The following CLIC4 variants were observed in gnomAD, a reference collection of about 807,000 sequenced individuals.
The protein encoded by CLIC4 is CLIC family member 4.
Under a neutral mutation model 24.6 loss-of-function variants are expected in CLIC4, and 13 were observed. That is an observed-to-expected ratio of 0.53 (90% CI 0.34 to 0.84). The LOEUF (loss-of-function observed/expected upper bound fraction) is 0.84. Ranked by LOEUF, CLIC4 falls within the 40% of genes least tolerant of loss-of-function variation. CLIC4 has a pLI of 0.01. For missense variants in CLIC4, 227 were observed against 301.7 expected (o/e 0.75, Z 1.83); for synonymous variants, 104 against 111.3 (o/e 0.93, Z 0.41).
chr1:24,835,926 T>C (rs1481499943), intron 4 of CLIC4, among the ~76,000 whole-genome samples: 1 of 152,226 alleles, frequency 6.6e-6, no homozygotes, highest in Non-Finnish European at 1.5e-5. Flanking sequence ...AAACAAAGTT[T>C]ACCAACTGGA....
intron 1 of CLIC4, among the ~76,000 whole-genome samples, chr1:24,787,120 C>T (rs1336432381): frequency 6.6e-6 from 1 of 152,162 alleles, no homozygotes; most frequent in Non-Finnish European, 1.5e-5. Flanking sequence ...GATGGGATCT[C>T]ACTATGTGTT....
At chr1:24,802,577 C>T (rs1236624418) in intron 2 of CLIC4, among the ~76,000 whole-genome samples, 1 of 152,086 alleles carries the variant, frequency 6.6e-6, no homozygotes, top group Non-Finnish European at 1.5e-5. Flanking sequence ...CTTAGGGCAA[C>T]TAAAACTAAG....
chr1:24,801,274 G>A (rs919381140), intron 2 of CLIC4, among the ~76,000 whole-genome samples: 2 of 152,192 alleles, frequency 1.3e-5, no homozygotes, highest in Admixed American at 1.3e-4. Context: ...CAGTTCTGCA[G>A]GTTGTACAGG....
chr1:24,835,300 C>T (rs979481497), intron 4 of CLIC4, among the ~76,000 whole-genome samples: 33 of 152,336 alleles, frequency 2.2e-4, no homozygotes, highest in Middle Eastern at 3.4e-3. Flanking sequence ...CGGTGGCTCA[C>T]GCCTGTAATC....
intron 2 of CLIC4, among the ~76,000 whole-genome samples, chr1:24,807,627 G>A (rs1639566040): frequency 6.6e-6 from 1 of 152,124 alleles, no homozygotes; most frequent in Non-Finnish European, 1.5e-5. Flanking sequence ...AATGAGTCAG[G>A]GTGGAGCAGG....
At chr1:24,758,493 T>C (rs1211429540) in intron 1 of CLIC4, among the ~76,000 whole-genome samples, 1 of 151,922 alleles carries the variant, frequency 6.6e-6, no homozygotes, top group African/African-American at 2.4e-5. Context: ...AGTCTCACTC[T>C]GTCACCCAGG....
At chr1:24,807,166 T>C (rs1639559221) in intron 2 of CLIC4, among the ~76,000 whole-genome samples, 1 of 151,864 alleles carries the variant, frequency 6.6e-6, no homozygotes, top group Non-Finnish European at 1.5e-5. Flanking sequence ...ATTTAAAAAA[T>C]TAAGAATCTT....
At chr1:24,825,588 T>A (rs1441013725) in intron 3 of CLIC4, among the ~76,000 whole-genome samples, 1 of 152,232 alleles carries the variant, frequency 6.6e-6, no homozygotes, top group Non-Finnish European at 1.5e-5. Flanking sequence ...GATAAATCTT[T>A]AAGCTTAAAA....
intron 2 of CLIC4, among the ~76,000 whole-genome samples, chr1:24,799,363 G>A (rs183921673): frequency 0.018 from 2,792 of 151,798 alleles, 35 homozygotes; most frequent in Non-Finnish European, 0.027. Flanking sequence ...GGTGAGGAGC[G>A]TCTCTGTCCG....
chr1:24,766,501 TTTTTTTTTTTTTTTTTTTTTG>T (rs2124096140), intron 1 of CLIC4, among the ~76,000 whole-genome samples: 3 of 84,128 alleles, frequency 3.6e-5, no homozygotes, highest in Non-Finnish European at 7.0e-5. Context: ...TTTTTTTTTT[TTTTTTTTTTTTTTTTTTTTTG>T]AGACGGGGTC....
chr1:24,791,273 A>G (rs1471957719), intron 1 of CLIC4, among the ~76,000 whole-genome samples: 1 of 152,190 alleles, frequency 6.6e-6, no homozygotes, highest in East Asian at 1.9e-4. Flanking sequence ...CCTGGCTCCC[A>G]GTGTAGGATG....
At chr1:24,823,796 A>G (rs1485509368) in intron 3 of CLIC4, among the ~76,000 whole-genome samples, 1 of 150,984 alleles carries the variant, frequency 6.6e-6, no homozygotes, top group African/African-American at 2.4e-5. Flanking sequence ...AAAAAAAGAC[A>G]TACAAAAAAG....
intron 1 of CLIC4, among the ~76,000 whole-genome samples, chr1:24,748,350 A>G (rs569389122): frequency 6.6e-6 from 1 of 152,068 alleles, no homozygotes; most frequent in East Asian, 1.9e-4. Flanking sequence ...GGTTCAAGTC[A>G]CAGTTCTTTA....
At chr1:24,768,923 AAAAG>A (rs1031018174) in intron 1 of CLIC4, among the ~76,000 whole-genome samples, 13 of 151,728 alleles carry the variant, frequency 8.6e-5, no homozygotes, top group East Asian at 5.8e-4. Flanking sequence ...AAAAAAAAGA[AAAAG>A]AAAGAAAACT....
At chr1:24,757,760 C>T (rs1638869933) in intron 1 of CLIC4, among the ~76,000 whole-genome samples, 1 of 152,078 alleles carries the variant, frequency 6.6e-6, no homozygotes, top group Non-Finnish European at 1.5e-5. Flanking sequence ...TTCTTCCCTT[C>T]TTTTTTCTTT....
At chr1:24,748,113 CAAG>C (rs1638727507) in intron 1 of CLIC4, among the ~76,000 whole-genome samples, 1 of 151,758 alleles carries the variant, frequency 6.6e-6, no homozygotes, top group Non-Finnish European at 1.5e-5. Flanking sequence ...TCAAAGAAGA[CAAG>C]AAAAATTAAG....
intron 1 of CLIC4, among the ~76,000 whole-genome samples, chr1:24,756,618 T>G (rs1306454024): frequency 6.6e-6 from 1 of 152,234 alleles, no homozygotes; most frequent in Non-Finnish European, 1.5e-5. Context: ...TTTACCACTG[T>G]GCAGCATAGC....
intron 1 of CLIC4, among the ~76,000 whole-genome samples, chr1:24,764,547 G>A (rs1490333947): frequency 6.6e-6 from 1 of 152,014 alleles, no homozygotes; most frequent in Non-Finnish European, 1.5e-5. Flanking sequence ...CCAGCTACTT[G>A]GGAGGCTGAG....
intron 1 of CLIC4, among the ~76,000 whole-genome samples, chr1:24,779,882 C>T (rs1034291180): frequency 1.4e-4 from 21 of 152,336 alleles, no homozygotes; most frequent in African/African-American, 4.6e-4. Context: ...GGCCACCCAG[C>T]TTCAATTCTT....
Sources: gnomAD v4.1 joint callset for allele counts (sites outside exome capture counted in the v4.1 genomes callset) on GRCh38, gnomAD v4.1.1 for gene constraint, MANE v1.5 for transcripts, NCBI Gene and HGNC (gene_info 2026-07-23, HGNC 2026-07-21) for gene names.